GRK5: variants seen among roughly 807,000 people sequenced by gnomAD.
GRK5 encodes G protein-coupled receptor kinase 5.
Under a neutral mutation model 78.4 loss-of-function variants are expected in GRK5, and 40 were observed. That is an observed-to-expected ratio of 0.51 (90% CI 0.40 to 0.66). The LOEUF (loss-of-function observed/expected upper bound fraction) is 0.66. GRK5 is among the 30% of genes least tolerant of loss of function. The pLI is 0.00. For missense variants in GRK5, 598 were observed against 759.9 expected, an observed-to-expected ratio of 0.79 and a Z score of 2.50; for synonymous variants, 289 against 296.8, an observed-to-expected ratio of 0.97 and a Z score of 0.27.
intron 1 of GRK5, among the ~76,000 whole-genome samples, chr10:119,224,847 A>T (rs532451264): frequency 2.0e-5 from 3 of 152,294 alleles, no homozygotes; most frequent in African/African-American, 7.2e-5. Context: ...AGAGTGTGCC[A>T]CTCATGTGCT....
At chr10:119,293,602 T>C (rs989375326) in intron 1 of GRK5, among the ~76,000 whole-genome samples, 2 of 152,194 alleles carry the variant, frequency 1.3e-5, no homozygotes. Context: ...AGGTACCAAG[T>C]ATCAGGCAAA....
chr10:119,241,116 C>T (rs1045375935), intron 1 of GRK5, among the ~76,000 whole-genome samples: 2 of 152,146 alleles, frequency 1.3e-5, no homozygotes, highest in Non-Finnish European at 2.9e-5. Context: ...TCCCTTGTTG[C>T]GTGCTTCCTG....
chr10:119,208,989 G>A (rs1257443076), intron 1 of GRK5, among the ~76,000 whole-genome samples: 1 of 151,950 alleles, frequency 6.6e-6, no homozygotes, highest in Non-Finnish European at 1.5e-5. Flanking sequence ...TCCCTTTCAC[G>A]GGAGAACGCT....
chr10:119,300,057 T>C (rs1213488048), intron 1 of GRK5, among the ~76,000 whole-genome samples: 1 of 152,160 alleles, frequency 6.6e-6, no homozygotes, highest in Non-Finnish European at 1.5e-5. Context: ...TCAGCTTCCC[T>C]GGCATCAAGC....
intron 15 of GRK5, among the ~76,000 whole-genome samples, 166 bp downstream of exon 15, chr10:119,453,442 C>T (rs563634943): frequency 3.0e-4 from 46 of 152,160 alleles, no homozygotes; most frequent in Non-Finnish European, 4.0e-4. Flanking sequence ...CTGATACCCA[C>T]GGCAGCTGAT....
chr10:119,440,076 A>G (rs1037348433), intron 10 of GRK5, among the ~76,000 whole-genome samples: 3 of 152,174 alleles, frequency 2.0e-5, no homozygotes, highest in African/African-American at 7.2e-5. Context: ...AGGAGTCCAG[A>G]ATTTCAGAGA....
intron 10 of GRK5, among the ~76,000 whole-genome samples, chr10:119,440,438 C>G (rs1000262086): frequency 6.6e-6 from 1 of 151,666 alleles, no homozygotes; most frequent in African/African-American, 2.4e-5. Context: ...AGTGCAATGG[C>G]GTGATCTCGG....
At chr10:119,218,245 G>T (rs576097383) in intron 1 of GRK5, among the ~76,000 whole-genome samples, 8 of 152,164 alleles carry the variant, frequency 5.3e-5, no homozygotes, top group African/African-American at 1.9e-4. Flanking sequence ...TGATGATGAG[G>T]GTACAGGAAG....
rs577057153 is a variant in GRK5 at position 119,285,064 on chromosome 10, A to G, written c.53-41452A>G. Among the ~76,000 whole-genome samples the G allele has an allele frequency of 8.5e-4, 130 of 152,362 alleles. 4 individuals carry two copies. Among genetic ancestry groups the G allele is most frequent in the Middle Eastern group, 6.8e-3 (2 of 294 alleles). ...CATGAAAGGTTATGAGGTTTCAGACATAACAGAGGTTCTGAGGATGCAAAG... is the reference window on the plus strand; with the variant it reads ...CATGAAAGGTTATGAGGTTTCAGACGTAACAGAGGTTCTGAGGATGCAAAG... On this transcript the variant is annotated intron_variant, in intron 1 of 15. Transcript: ENST00000392870.
chr10:119,420,767 G>A (rs1416427746), intron 4 of GRK5, among the ~76,000 whole-genome samples: 3 of 152,058 alleles, frequency 2.0e-5, no homozygotes, highest in Non-Finnish European at 2.9e-5. Context: ...TTTTAGTAGA[G>A]ATAGGCTGTC....
intron 1 of GRK5, among the ~76,000 whole-genome samples, chr10:119,263,763 A>G (rs1392395546): frequency 2.6e-5 from 4 of 152,076 alleles, no homozygotes; most frequent in African/African-American, 7.2e-5. Flanking sequence ...CTCTACTTAA[A>G]AAATACAAAA....
intron 4 of GRK5, among the ~76,000 whole-genome samples, chr10:119,414,166 G>A (rs1442681117): frequency 2.0e-5 from 3 of 152,190 alleles, no homozygotes; most frequent in Non-Finnish European, 4.4e-5. Context: ...TGTCCACGTT[G>A]GGAAATTGCA....
chr10:119,231,714 A>G (rs1455466786), intron 1 of GRK5, among the ~76,000 whole-genome samples: 1 of 151,850 alleles, frequency 6.6e-6, no homozygotes. Flanking sequence ...CTCAAAAAAA[A>G]AAAAAAAAAG....
intron 2 of GRK5, among the ~76,000 whole-genome samples, chr10:119,328,033 G>A (rs148602703): frequency 1.2e-3 from 183 of 152,342 alleles, no homozygotes; most frequent in Middle Eastern, 0.01. Context: ...CTGTAACACT[G>A]TCTGTGAACC....
intron 1 of GRK5, among the ~76,000 whole-genome samples, chr10:119,272,884 C>G (rs1849607331): frequency 6.6e-6 from 1 of 152,132 alleles, no homozygotes; most frequent in South Asian, 2.1e-4. Flanking sequence ...GGGAGGCCAG[C>G]CCGTTGTGGA....
chr10:119,248,842 T>C (rs1164184398), intron 1 of GRK5, among the ~76,000 whole-genome samples: 1 of 152,170 alleles, frequency 6.6e-6, no homozygotes. Flanking sequence ...TGCCACAGAA[T>C]TGAGTAGTTG....
chr10:119,348,777 G>A (rs912778409), intron 2 of GRK5, among the ~76,000 whole-genome samples: 1 of 152,206 alleles, frequency 6.6e-6, no homozygotes, highest in African/African-American at 2.4e-5. Context: ...GCTTTGGGGG[G>A]ACCAGGTGTC....
At chr10:119,311,048 G>T (rs915518973) in intron 1 of GRK5, among the ~76,000 whole-genome samples, 1 of 152,170 alleles carries the variant, frequency 6.6e-6, no homozygotes, top group Admixed American at 6.5e-5. Context: ...TGTACCTTCC[G>T]CCTTGCTGGG....
chr10:119,302,201 A>G (rs1850194971), intron 1 of GRK5, among the ~76,000 whole-genome samples: 1 of 152,236 alleles, frequency 6.6e-6, no homozygotes, highest in African/African-American at 2.4e-5. Flanking sequence ...TGAAGCTAGT[A>G]AAATGAATAA....
Sources: allele counts gnomAD v4.1 joint callset (sites outside exome capture counted in the v4.1 genomes callset), GRCh38; gene constraint gnomAD v4.1.1; transcripts MANE v1.5; gene names NCBI Gene and HGNC (gene_info 2026-07-23, HGNC 2026-07-21).